Variants in FAT4 observed in about 807,000 individuals in gnomAD.
FAT4 encodes protocadherin Fat 4.
A neutral mutation model predicts 303.9 loss-of-function variants in FAT4; 84 were observed. The observed-to-expected ratio is 0.28, with a 90% CI of 0.23 to 0.33. The LOEUF is 0.33. FAT4 is among the 10% of genes least tolerant of loss of function. The pLI is 1.00. For synonymous variants in FAT4, 2,307 were observed against 2,298.8 expected, an observed-to-expected ratio of 1.00 and a Z score of -0.10; for missense variants, 6,005 against 6,146.8, an observed-to-expected ratio of 0.98 and a Z score of 0.77.
At chr4:125,358,480 A>G (rs933217104) in intron 2 of FAT4, among the ~76,000 whole-genome samples, 3 of 152,122 alleles carry the variant, frequency 2.0e-5, no homozygotes, top group Non-Finnish European at 4.4e-5. Flanking sequence ...AAAGGGATAC[A>G]GTGACAGATC....
At chr4:125,448,333 C>T (rs1725899790) in intron 9 of FAT4, 128 bp from the exon 10 acceptor site, 1 of 829,412 alleles carries the variant, frequency 1.2e-6, no homozygotes, top group Non-Finnish European at 1.9e-6. Flanking sequence ...AGATACTGTT[C>T]TCCCTAGTAA....
At chr4:125,356,831 A>G (rs1159698390) in intron 2 of FAT4, among the ~76,000 whole-genome samples, 1 of 150,780 alleles carries the variant, frequency 6.6e-6, no homozygotes, top group Non-Finnish European at 1.5e-5. Context: ...AATATAATAG[A>G]AATCATAGAT....
intron 2 of FAT4, among the ~76,000 whole-genome samples, chr4:125,343,745 G>A (rs993495361): frequency 2.0e-5 from 3 of 152,064 alleles, no homozygotes; most frequent in Non-Finnish European, 2.9e-5. Context: ...AGGATACAAA[G>A]TAAATTAGTT....
At chr4:125,446,628 T>C (rs1012906540) in intron 9 of FAT4, 85 bp downstream of exon 9, 56 of 1,309,692 alleles carry the variant, frequency 4.3e-5, no homozygotes, top group Non-Finnish European at 5.6e-5. Flanking sequence ...ATATTTTACA[T>C]ACATATTTCT....
intron 2 of FAT4, among the ~76,000 whole-genome samples, chr4:125,363,545 G>C (rs1732752151): frequency 6.6e-6 from 1 of 151,608 alleles, no homozygotes; most frequent in East Asian, 1.9e-4. Flanking sequence ...TGCCAGCCTG[G>C]AGTGCAGTGG....
At chr4:125,378,212 T>C (rs1409239709) in intron 2 of FAT4, among the ~76,000 whole-genome samples, 1 of 152,136 alleles carries the variant, frequency 6.6e-6, no homozygotes, top group African/African-American at 2.4e-5. Context: ...AAACTGTTTG[T>C]AGCAAAATGT....
intron 11 of FAT4, among the ~76,000 whole-genome samples, chr4:125,466,988 A>G (rs1005104578): frequency 8.6e-5 from 13 of 151,944 alleles, no homozygotes; most frequent in African/African-American, 3.1e-4. Context: ...CGTGTTAGCC[A>G]GGATGGTCTT....
rs746379592 is a variant in FAT4, at chr4:125,449,180, A to G, written c.8170A>G (p.Thr2724Ala). Residue 2724 changes from threonine to alanine, a missense_variant, in exon 10 of 18, where the codon ACT becomes GCT. Transcript: ENST00000394329. ...AAATAGTTTCAGTATCAATCATGCT[A>G]CTGGTGAAATTAGAAGCGTTAGACC... is the stretch of plus-strand genomic sequence containing the variant. Reference protein sequence around the residue: ...MENSFSINHATGEIRSVRPLD... With the variant: ...MENSFSINHAAGEIRSVRPLD... 6.2e-7 allele frequency: 1 copy of G among 1,614,000 alleles called. No homozygotes were observed. Among genetic ancestry groups the G allele is most frequent in the Admixed American group, 1.7e-5 (1 of 59,994 alleles).
rs1560752364 is a variant in FAT4, at chr4:125,317,208, G to A, written c.797G>A (p.Gly266Asp). Residue 266 changes from glycine to aspartate, a missense_variant, in exon 2 of 18, where the codon GGT becomes GAT. Transcript: ENST00000394329. The surrounding 1 kb of genome is among the most constrained non-coding windows in gnomAD (Gnocchi z 7.0). ...GGGGTGCCTGAGGACGCGGTTGTGG[G>A]TTCCAGCGTCCTCCAGGTGGCGGCG... ...QAGVPEDAVV[G>D]SSVLQVAAAD... 1 of 1,589,050 alleles carries A rather than the reference G, an allele frequency of 6.3e-7. No homozygotes were observed. The highest frequency in any genetic ancestry group is 8.6e-7 in the Non-Finnish European group (1 of 1,165,232).
chr4:125,402,704 A>C (rs927376837), intron 3 of FAT4, among the ~76,000 whole-genome samples: 2 of 152,014 alleles, frequency 1.3e-5, no homozygotes, highest in Non-Finnish European at 2.9e-5. Context: ...TATGTAAGCT[A>C]TGATGGAAAA....
At chr4:125,428,287 A>T (rs1435701643) in intron 7 of FAT4, among the ~76,000 whole-genome samples, 2 of 152,128 alleles carry the variant, frequency 1.3e-5, no homozygotes, top group Admixed American at 1.3e-4. Context: ...AACAAGAGCG[A>T]AACTCCGTCT....
rs1229408002 is a variant in FAT4, at chr4:125,317,317, G to A, written c.906G>A (p.Thr302=). 1 of 1,606,406 alleles carries A rather than the reference G, an allele frequency of 6.2e-7. No homozygotes were observed. Among genetic ancestry groups the A allele is most frequent in the South Asian group, 1.1e-5 (1 of 90,898 alleles). ...CCCCCTTCCAAATGGACCCTGAGACGGGACTTATCACGGTGCGGGAGCCCC... is the reference window on the plus strand; with the variant it reads ...CCCCCTTCCAAATGGACCCTGAGACAGGACTTATCACGGTGCGGGAGCCCC... The part of the protein sequence containing the change: ...EGTPFQMDPE[T]GLITVREPLD... Residue 302 remains threonine (T), a synonymous_variant, in exon 2 of 18, where the codon ACG becomes ACA. Coordinates refer to ENST00000394329, the MANE Select transcript of FAT4 (RefSeq NM_001291303.3). The surrounding 1 kb of genome is among the most constrained non-coding windows in gnomAD (Gnocchi z 7.0).
rs1316142790 is a variant in FAT4, at chr4:125,490,902, A to G, written c.14086A>G (p.Thr4696Ala). 6.2e-7 allele frequency: 1 copy of G among 1,613,884 alleles called. No homozygotes were observed. The highest frequency in any genetic ancestry group is 1.3e-5 in the African/African-American group (1 of 74,952). ...TSSLSHSACPTPNPLSRHSPA... is the reference protein window; with the variant it reads ...TSSLSHSACPAPNPLSRHSPA... ...CTCCCTAAGCCACTCAGCATGCCCAACTCCCAACCCTCTGTCTCGACACAG... is the reference window on the plus strand; with the variant it reads ...CTCCCTAAGCCACTCAGCATGCCCAGCTCCCAACCCTCTGTCTCGACACAG... Residue 4696 changes from threonine to alanine, a missense_variant, in exon 18 of 18, where the codon ACT (threonine) becomes GCT (alanine). Transcript: ENST00000394329.
intron 5 of FAT4, among the ~76,000 whole-genome samples, chr4:125,412,116 T>A (rs1422001473): frequency 6.6e-6 from 1 of 151,838 alleles, no homozygotes; most frequent in Non-Finnish European, 1.5e-5. Flanking sequence ...TTCAGATATT[T>A]GTTGAAAAAA....
chr4:125,402,846 T>G (rs2126016081), intron 3 of FAT4, among the ~76,000 whole-genome samples: 1 of 152,154 alleles, frequency 6.6e-6, no homozygotes, highest in African/African-American at 2.4e-5. Context: ...AATACATTCT[T>G]TGAGGTTAAT....
At chr4:125,459,196 G>T (rs1726396818) in intron 10 of FAT4, among the ~76,000 whole-genome samples, 1 of 151,822 alleles carries the variant, frequency 6.6e-6, no homozygotes, top group Non-Finnish European at 1.5e-5. Context: ...TGTATCATAG[G>T]GTATCAAAAA....
In FAT4 at chr4:125,451,520, G is replaced by A; in HGVS notation, c.10510G>A (p.Asp3504Asn). The change falls in exon 10 of 18, where the codon GAT becomes AAT. Residue 3504 changes from aspartate (D) to asparagine (N), a missense_variant. Transcript: ENST00000394329. ...TGCCTCTTTATTAGTCACCCTGGAAGATATAAATGATAACGGGCCCATGCT... is the reference window on the plus strand; with the variant it reads ...TGCCTCTTTATTAGTCACCCTGGAAAATATAAATGATAACGGGCCCATGCT... ...GSASLLVTLE[D>N]INDNGPMLTV... 6.2e-7 allele frequency: 1 copy of A among 1,614,096 alleles called. No individual in the cohort carries two copies. The highest frequency in any genetic ancestry group is 8.5e-7 in the Non-Finnish European group (1 of 1,180,010).
At chr4:125,334,749 G>A (rs1029975661) in intron 2 of FAT4, among the ~76,000 whole-genome samples, 1 of 151,914 alleles carries the variant, frequency 6.6e-6, no homozygotes, top group Admixed American at 6.6e-5. Flanking sequence ...TATATTATAT[G>A]GTCATAGAAT....
At chr4:125,387,334 A>T (rs1462422737) in intron 2 of FAT4, among the ~76,000 whole-genome samples, 1 of 152,246 alleles carries the variant, frequency 6.6e-6, no homozygotes, top group Non-Finnish European at 1.5e-5. Context: ...CATTGCAGTC[A>T]TTCCATAAAA....
Sources: gnomAD v4.1 joint callset for allele counts (sites outside exome capture counted in the v4.1 genomes callset) on GRCh38, gnomAD v4.1.1 for gene constraint, Gnocchi (gnomAD v3.1) non-coding constraint, MANE v1.5 for transcripts, NCBI Gene and HGNC (gene_info 2026-07-23, HGNC 2026-07-21) for gene names.